The following NRXN1 variants were observed in gnomAD, a reference collection of about 807,000 sequenced individuals.
The protein encoded by NRXN1 is neurexin-1.
In NRXN1, 39 loss-of-function variants were observed where a neutral mutation model predicts 150.9. The ratio of observed to expected loss-of-function variants is 0.26; its 90% CI spans 0.20 to 0.34. NRXN1 has a LOEUF of 0.34. Ranked by LOEUF, NRXN1 falls within the 10% of genes least tolerant of loss-of-function variation. The pLI is 1.00. For synonymous variants in NRXN1, 924 were observed against 757.0 expected (o/e 1.22, Z -3.62); for missense variants, 1,815 against 1,949.9 (o/e 0.93, Z 1.30).
At chr2:50,726,925 T>TC (rs1376272156) in intron 5 of NRXN1, among the ~76,000 whole-genome samples, 56 of 152,286 alleles carry the variant, frequency 3.7e-4, no homozygotes, top group African/African-American at 1.2e-3. Context: ...ATATCCTATA[T>TC]ATAGTCATAA....
At chr2:50,677,581 T>C (rs1040324117) in intron 5 of NRXN1, among the ~76,000 whole-genome samples, 10 of 152,142 alleles carry the variant, frequency 6.6e-5, no homozygotes, top group African/African-American at 2.4e-4. Context: ...TTGTGGACCT[T>C]TCATTGAATT....
At chr2:50,034,551 T>C (rs1041986329) in intron 21 of NRXN1, among the ~76,000 whole-genome samples, 2 of 151,966 alleles carry the variant, frequency 1.3e-5, no homozygotes, top group South Asian at 4.2e-4. Flanking sequence ...GTATTAGGCT[T>C]AATACCTGGG....
intron 8 of NRXN1, among the ~76,000 whole-genome samples, chr2:50,570,822 G>C (rs1336928655): frequency 1.3e-5 from 2 of 152,058 alleles, no homozygotes; most frequent in Non-Finnish European, 2.9e-5. Flanking sequence ...CAGACTGTAG[G>C]ATATGATTTA....
At chr2:50,371,718 T>C (rs138049778) in intron 17 of NRXN1, among the ~76,000 whole-genome samples, 1 of 151,874 alleles carries the variant, frequency 6.6e-6, no homozygotes, top group African/African-American at 2.4e-5. Context: ...CACAATTTTA[T>C]CAGACCCTCA....
intron 9 of NRXN1, among the ~76,000 whole-genome samples, chr2:50,543,602 T>G (rs1362213804): frequency 6.6e-6 from 1 of 152,136 alleles, no homozygotes; most frequent in East Asian, 1.9e-4. Flanking sequence ...AAATTTATGT[T>G]TCTTGTAAAA....
chr2:50,787,933 T>A (rs942263318), intron 5 of NRXN1, among the ~76,000 whole-genome samples: 1 of 152,124 alleles, frequency 6.6e-6, no homozygotes, highest in African/African-American at 2.4e-5. Context: ...TTAAATGGCA[T>A]AATATAAATG....
intron 19 of NRXN1, among the ~76,000 whole-genome samples, chr2:50,087,399 T>A (rs1698944867): frequency 6.6e-6 from 1 of 152,110 alleles, no homozygotes; most frequent in Admixed American, 6.5e-5. Flanking sequence ...GAAAACAAAT[T>A]CAAAAGTTTA....
chr2:50,530,325 G>A (rs2093065573), intron 11 of NRXN1, among the ~76,000 whole-genome samples: 1 of 152,042 alleles, frequency 6.6e-6, no homozygotes, highest in South Asian at 2.1e-4. Flanking sequence ...CATGTTGATG[G>A]CATAGTTTGC....
intron 2 of NRXN1, among the ~76,000 whole-genome samples, chr2:50,941,921 C>A (rs1404386288): frequency 6.6e-6 from 1 of 152,178 alleles, no homozygotes; most frequent in East Asian, 1.9e-4. Flanking sequence ...ATCTCCAGGA[C>A]ATTTAGTATA....
At chr2:50,062,711 C>G (rs529851218) in intron 19 of NRXN1, among the ~76,000 whole-genome samples, 1 of 152,044 alleles carries the variant, frequency 6.6e-6, no homozygotes, top group Non-Finnish European at 1.5e-5. Context: ...TTATAACTAT[C>G]GATCAGTAGA....
At chr2:50,233,757 T>G (rs1396670698) in intron 18 of NRXN1, among the ~76,000 whole-genome samples, 1 of 152,116 alleles carries the variant, frequency 6.6e-6, no homozygotes, top group African/African-American at 2.4e-5. Flanking sequence ...TTAAGTCAGT[T>G]ATATTCACAA....
intron 18 of NRXN1, among the ~76,000 whole-genome samples, chr2:50,203,042 G>A (rs1367738890): frequency 6.6e-6 from 1 of 152,058 alleles, no homozygotes; most frequent in Admixed American, 6.6e-5. Context: ...AAGATCTCCT[G>A]AAGTCTGAGA....
At chr2:50,321,586 C>T (rs72874477) in intron 17 of NRXN1, among the ~76,000 whole-genome samples, 62,368 of 151,824 alleles carry the variant, frequency 0.41, 15,208 homozygotes, top group African/African-American at 0.69. Flanking sequence ...TCCTAAGTAG[C>T]AGTACTTTTC....
intron 2 of NRXN1, among the ~76,000 whole-genome samples, chr2:51,000,234 G>C (rs761174181): frequency 2.6e-5 from 4 of 151,940 alleles, no homozygotes; most frequent in African/African-American, 4.8e-5. Flanking sequence ...GACTGAATGT[G>C]TTCACCCTCG....
intron 2 of NRXN1, among the ~76,000 whole-genome samples, chr2:50,948,288 G>A (rs1425718390): frequency 6.6e-6 from 1 of 151,972 alleles, no homozygotes; most frequent in Admixed American, 6.6e-5. Flanking sequence ...TTAATAAACT[G>A]TAACATGGCA....
intron 5 of NRXN1, among the ~76,000 whole-genome samples, chr2:50,764,079 G>C (rs1702125228): frequency 6.6e-6 from 1 of 150,384 alleles, no homozygotes; most frequent in South Asian, 2.1e-4. Context: ...TCAGTCCATA[G>C]CTCTCTGTTC....
intron 17 of NRXN1, among the ~76,000 whole-genome samples, chr2:50,458,136 G>A (rs1043084926): frequency 1.3e-5 from 2 of 152,062 alleles, no homozygotes; most frequent in African/African-American, 2.4e-5. Flanking sequence ...ATTCCAATAC[G>A]AGTTGAACTG....
At chr2:50,788,833 T>A (rs1488582552) in intron 5 of NRXN1, among the ~76,000 whole-genome samples, 1 of 152,138 alleles carries the variant, frequency 6.6e-6, no homozygotes, top group African/African-American at 2.4e-5. Flanking sequence ...AATGGATAAT[T>A]AAACACAGTA....
chr2:50,017,852 A>G (rs1262201511), intron 21 of NRXN1, among the ~76,000 whole-genome samples: 1 of 152,154 alleles, frequency 6.6e-6, no homozygotes, highest in African/African-American at 2.4e-5. Flanking sequence ...AAGACTTTCT[A>G]AGAGCTATGG....
Sources: allele counts gnomAD v4.1 joint callset (sites outside exome capture counted in the v4.1 genomes callset), GRCh38; gene constraint gnomAD v4.1.1; transcripts MANE v1.5; gene names NCBI Gene and HGNC (gene_info 2026-07-23, HGNC 2026-07-21).